CNTN5: variants seen among roughly 807,000 people sequenced by gnomAD.
The protein encoded by CNTN5 is contactin-5.
A neutral mutation model predicts 129.1 loss-of-function variants in CNTN5; 77 were observed. That is an observed-to-expected ratio of 0.60 (90% CI 0.50 to 0.72). The LOEUF is 0.72. Among genes scored for constraint, CNTN5 ranks in the 30% least tolerant of loss-of-function variants. The pLI, the probability that CNTN5 is intolerant of heterozygous loss-of-function variation, is 0.00. For missense variants in CNTN5, 1,478 were observed against 1,328.8 expected (o/e 1.11, Z -1.75); for synonymous variants, 509 against 465.6 (o/e 1.09, Z -1.20).
chr11:100,031,994 C>T (rs373244009), intron 9 of CNTN5, among the ~76,000 whole-genome samples: 57 of 152,282 alleles, frequency 3.7e-4, no homozygotes, highest in African/African-American at 9.9e-4. Flanking sequence ...TATTTCTCAA[C>T]CTGCCGATCC....
chr11:99,457,875 C>A (rs1198185595), intron 2 of CNTN5, among the ~76,000 whole-genome samples: 1 of 151,608 alleles, frequency 6.6e-6, no homozygotes, highest in Admixed American at 6.6e-5. Flanking sequence ...CAAATTTTCA[C>A]TTCACTTCCC....
At chr11:99,463,676 A>T (rs537717808) in intron 2 of CNTN5, among the ~76,000 whole-genome samples, 21 of 152,264 alleles carry the variant, frequency 1.4e-4, no homozygotes, top group African/African-American at 4.3e-4. Flanking sequence ...ACCATTTAAT[A>T]TATTATAGAT....
intron 2 of CNTN5, among the ~76,000 whole-genome samples, chr11:99,525,504 G>A (rs1016480918): frequency 6.6e-6 from 1 of 152,178 alleles, no homozygotes; most frequent in Non-Finnish European, 1.5e-5. Context: ...TAGGAGTTTT[G>A]AGGAAGCAGG....
chr11:100,186,184 G>T (rs1395717566), intron 13 of CNTN5, among the ~76,000 whole-genome samples: 1 of 151,868 alleles, frequency 6.6e-6, no homozygotes. Context: ...ACATGGCAAA[G>T]CCCATCTCTA....
chr11:100,085,868 A>G (rs887700014), intron 13 of CNTN5, among the ~76,000 whole-genome samples: 3 of 152,030 alleles, frequency 2.0e-5, no homozygotes, highest in Non-Finnish European at 4.4e-5. Context: ...AAGAAAATAA[A>G]ATCTAGATAA....
intron 3 of CNTN5, among the ~76,000 whole-genome samples, chr11:99,607,768 C>A: frequency 7.8e-6 from 1 of 128,764 alleles, no homozygotes; most frequent in Admixed American, 8.2e-5. Context: ...ACTATGCAGC[C>A]ATAAAAAGAT....
rs1042800755 is a variant in CNTN5 at position 99,748,509 on chromosome 11, A to T, written c.56-71035A>T. Among the ~76,000 whole-genome samples the T allele has an allele frequency of 2.0e-5, 3 of 152,282 alleles. No homozygotes were observed. The South Asian group carries it at 6.2e-4, about 32-fold the overall frequency. On this transcript the variant is annotated intron_variant, in intron 3 of 24. Coordinates refer to ENST00000524871, the MANE Select transcript of CNTN5 (RefSeq NM_014361.4). ...TCTGGAGTCCAGAAAGTTCTACAATATGCTCTGTGCAAGCTGGAGAACTAG... is the reference window on the plus strand; with the variant it reads ...TCTGGAGTCCAGAAAGTTCTACAATTTGCTCTGTGCAAGCTGGAGAACTAG...
chr11:99,258,194 G>A (rs1055102117), intron 1 of CNTN5, among the ~76,000 whole-genome samples: 1 of 151,916 alleles, frequency 6.6e-6, no homozygotes, highest in Non-Finnish European at 1.5e-5. Flanking sequence ...GTGCAGGTTT[G>A]TTATATAGGT....
chr11:99,288,003 T>G (rs1864013426), intron 1 of CNTN5, among the ~76,000 whole-genome samples: 1 of 152,028 alleles, frequency 6.6e-6, no homozygotes, highest in African/African-American at 2.4e-5. Context: ...CTTATCCTCC[T>G]CTTCACTTTG....
intron 3 of CNTN5, among the ~76,000 whole-genome samples, chr11:99,597,187 A>G (rs1270137372): frequency 6.6e-6 from 1 of 152,168 alleles, no homozygotes; most frequent in Non-Finnish European, 1.5e-5. Flanking sequence ...AACAAATATA[A>G]TTGAATATTT....
chr11:99,272,291 A>G (rs1367892300), intron 1 of CNTN5, among the ~76,000 whole-genome samples: 1 of 150,608 alleles, frequency 6.6e-6, no homozygotes, highest in East Asian at 2.0e-4. Context: ...CTATTTGAGT[A>G]AGCAGTCTTT....
chr11:99,430,856 T>C (rs1421728910), intron 2 of CNTN5, among the ~76,000 whole-genome samples: 1 of 152,064 alleles, frequency 6.6e-6, no homozygotes, highest in Non-Finnish European at 1.5e-5. Flanking sequence ...GAATCTTATC[T>C]ACCGAACTAC....
intron 3 of CNTN5, among the ~76,000 whole-genome samples, chr11:99,707,383 A>T (rs1954801489): frequency 6.6e-6 from 1 of 151,658 alleles, no homozygotes; most frequent in Non-Finnish European, 1.5e-5. Flanking sequence ...ATACACCTTC[A>T]AAGAACTATT....
chr11:99,157,651 A>G (rs1860399614), intron 1 of CNTN5, among the ~76,000 whole-genome samples: 1 of 152,160 alleles, frequency 6.6e-6, no homozygotes, highest in Admixed American at 6.6e-5. Context: ...CCTTTAAAAT[A>G]ATTAAAGCAA....
At chr11:99,316,052 A>C (rs774436770) in intron 1 of CNTN5, among the ~76,000 whole-genome samples, 65 of 151,916 alleles carry the variant, frequency 4.3e-4, no homozygotes, top group Admixed American at 7.2e-4. Flanking sequence ...TGGATGATAA[A>C]GGTGGCATAC....
chr11:99,076,784 A>T (rs965400062), intron 1 of CNTN5, among the ~76,000 whole-genome samples: 4 of 152,210 alleles, frequency 2.6e-5, no homozygotes, highest in Admixed American at 2.6e-4. Context: ...TCTTATTTGT[A>T]TGAATTTCTT....
intron 1 of CNTN5, among the ~76,000 whole-genome samples, chr11:99,322,217 T>C (rs1185241885): frequency 2.6e-5 from 4 of 152,224 alleles, no homozygotes; most frequent in Admixed American, 2.6e-4. Flanking sequence ...TTCCCCCAGC[T>C]TGCAGTCGGC....
intron 1 of CNTN5, among the ~76,000 whole-genome samples, chr11:99,127,351 G>A (rs1432903908): frequency 6.6e-6 from 1 of 152,110 alleles, no homozygotes; most frequent in African/African-American, 2.4e-5. Context: ...GATGTCATCT[G>A]TTACTCCATA....
At chr11:99,443,218 C>G (rs1284061811) in intron 2 of CNTN5, among the ~76,000 whole-genome samples, 1 of 152,094 alleles carries the variant, frequency 6.6e-6, no homozygotes, top group Non-Finnish European at 1.5e-5. Context: ...AATGCTCAGA[C>G]AAATGAAAAC....
Sources: gnomAD v4.1 joint callset for allele counts (sites outside exome capture counted in the v4.1 genomes callset) on GRCh38, gnomAD v4.1.1 for gene constraint, MANE v1.5 for transcripts, NCBI Gene and HGNC (gene_info 2026-07-23, HGNC 2026-07-21) for gene names.